The following MYO5B variants were observed in gnomAD, a reference collection of about 807,000 sequenced individuals.
The protein encoded by MYO5B is unconventional myosin-Vb.
A neutral mutation model predicts 229.3 loss-of-function variants in MYO5B; 143 were observed. That is an observed-to-expected ratio of 0.62 (90% confidence interval 0.54 to 0.72). The LOEUF (loss-of-function observed/expected upper bound fraction) is 0.72. MYO5B is among the 30% of genes least tolerant of loss of function. MYO5B has a pLI of 0.00. For missense variants in MYO5B, 2,321 were observed against 2,331.0 expected (o/e 1.00, Z 0.09); for synonymous variants, 918 against 885.2 (o/e 1.04, Z -0.66).
At chr18:50,157,232 A>C (rs2032694820) in intron 1 of MYO5B, among the ~76,000 whole-genome samples, 1 of 151,964 alleles carries the variant, frequency 6.6e-6, no homozygotes. Flanking sequence ...CAGCCTCCCA[A>C]GTAGCTGGGA....
intron 31 of MYO5B, among the ~76,000 whole-genome samples, chr18:49,853,247 A>G (rs1335354619): frequency 1.3e-5 from 2 of 152,196 alleles, no homozygotes; most frequent in East Asian, 3.9e-4. Context: ...GCCAACGACA[A>G]GGCCCCAGAC....
chr18:49,956,440 G>A (rs1415637904), intron 12 of MYO5B, among the ~76,000 whole-genome samples: 1 of 152,226 alleles, frequency 6.6e-6, no homozygotes, highest in African/African-American at 2.4e-5. Flanking sequence ...CAGAGCTGGT[G>A]TTCCAAACAG....
chr18:50,188,459 A>G (rs2033179340), intron 1 of MYO5B, among the ~76,000 whole-genome samples: 1 of 152,126 alleles, frequency 6.6e-6, no homozygotes, highest in South Asian at 2.1e-4. Flanking sequence ...ATCACCAAAC[A>G]CACTGAAGGC....
intron 16 of MYO5B, among the ~76,000 whole-genome samples, chr18:49,935,804 C>G (rs1181225482): frequency 1.3e-5 from 2 of 152,288 alleles, no homozygotes; most frequent in South Asian, 2.1e-4. Flanking sequence ...GTGGATAATT[C>G]TGGAAGCTTA....
At chr18:49,884,308 C>T (rs545580171) in intron 22 of MYO5B, among the ~76,000 whole-genome samples, 8 of 152,118 alleles carry the variant, frequency 5.3e-5, no homozygotes, top group Non-Finnish European at 8.8e-5. Flanking sequence ...ACCAGGGTGA[C>T]GGGGGAATGG....
Position 49,853,438 on chromosome 18 carries a change from T to C in MYO5B, c.4221+11A>G, listed in dbSNP as rs1421694495. 1.9e-6 allele frequency: 3 copies of C among 1,613,902 alleles called. No homozygotes were observed. In the Admixed American group the frequency reaches 5.0e-5, roughly 27 times the overall value. ...TCCCAAAGCTGGGGTCCACTAGACA[T>C]GGCTACCCACCAGATTCTCGTTGGT... On this transcript the variant is annotated intron_variant, in intron 31 of 39. Transcript: ENST00000285039.
At chr18:49,971,568 A>T (rs1028752695) in intron 10 of MYO5B, among the ~76,000 whole-genome samples, 3 of 152,154 alleles carry the variant, frequency 2.0e-5, no homozygotes, top group Non-Finnish European at 4.4e-5. Context: ...GTTGATTTTA[A>T]TCTCCTAAGA....
At chr18:50,038,496 C>G (rs1323416188) in intron 3 of MYO5B, among the ~76,000 whole-genome samples, 1 of 152,216 alleles carries the variant, frequency 6.6e-6, no homozygotes, top group Non-Finnish European at 1.5e-5. Context: ...CAGCTAATCA[C>G]TTGGAGAATC....
intron 4 of MYO5B, among the ~76,000 whole-genome samples, chr18:50,022,653 C>G (rs2026289194): frequency 1.3e-5 from 2 of 152,282 alleles, no homozygotes; most frequent in South Asian, 2.1e-4. Flanking sequence ...TTGTTAGATT[C>G]CTACTCAGAT....
chr18:50,148,835 G>A (rs1030299393), intron 1 of MYO5B, among the ~76,000 whole-genome samples: 12 of 152,278 alleles, frequency 7.9e-5, no homozygotes, highest in Non-Finnish European at 1.5e-4. Flanking sequence ...TCTAGCCAGG[G>A]CAATTAGGCA....
At chr18:50,088,493 A>C (rs1599011835) in intron 1 of MYO5B, among the ~76,000 whole-genome samples, 1 of 152,238 alleles carries the variant, frequency 6.6e-6, no homozygotes. Flanking sequence ...TTAAAACAAT[A>C]ATTGTGTTCC....
At chr18:49,939,148 C>CTTTTTTTTT (rs11313115) in intron 14 of MYO5B, among the ~76,000 whole-genome samples, 27 of 119,042 alleles carry the variant, frequency 2.3e-4, no homozygotes, top group Non-Finnish European at 3.1e-4. Flanking sequence ...TCTTTTTTTT[C>CTTTTTTTTT]TTTTTTTTTT....
Position 50,126,504 on chromosome 18 carries a change from T to C in MYO5B, c.27+68263A>G, listed in dbSNP as rs144130795. The C allele has an allele frequency of 1.6e-3, 250 of 155,008 alleles. 1 individual carries two copies. Among genetic ancestry groups the C allele is most frequent in the African/African-American group, 5.7e-3 (239 of 41,650 alleles). 9.6% of individuals were successfully genotyped at this position (155,008 alleles called of 1,614,324 possible). ...CAAAGTGGGGGCTGTCAGGGCAAAG[T>C]TGCCAGGAAGCTACAGAATCCCGAG... On this transcript the variant is annotated intron_variant, in intron 1 of 39. Coordinates refer to ENST00000285039, the MANE Select transcript of MYO5B (RefSeq NM_001080467.3).
intron 4 of MYO5B, among the ~76,000 whole-genome samples, chr18:50,029,388 G>C (rs2026364918): frequency 6.6e-6 from 1 of 152,190 alleles, no homozygotes; most frequent in Non-Finnish European, 1.5e-5. Flanking sequence ...CCGGAGAAGA[G>C]ATTAAAAACC....
At chr18:50,003,398 G>T (rs906330416) in intron 4 of MYO5B, among the ~76,000 whole-genome samples, 1 of 152,338 alleles carries the variant, frequency 6.6e-6, no homozygotes, top group Non-Finnish European at 1.5e-5. Context: ...TGTAGTCAGA[G>T]CATCTGCTTC....
At chr18:49,959,046 T>C (rs1238975149) in intron 12 of MYO5B, among the ~76,000 whole-genome samples, 1 of 152,126 alleles carries the variant, frequency 6.6e-6, no homozygotes, top group Non-Finnish European at 1.5e-5. Context: ...GGTCCCTACT[T>C]TCCAACCTTA....
intron 17 of MYO5B, among the ~76,000 whole-genome samples, chr18:49,924,076 C>T (rs533309633): frequency 6.6e-6 from 1 of 152,268 alleles, no homozygotes; most frequent in South Asian, 2.1e-4. Context: ...TTTTGACAGA[C>T]TTCTTTACAT....
chr18:49,836,853 C>G lies in MYO5B; in HGVS notation c.5171G>C (p.Arg1724Pro). 6.2e-7 allele frequency: 1 copy of G among 1,614,082 alleles called. No individual in the cohort carries two copies. Among genetic ancestry groups the G allele is most frequent in the Non-Finnish European group, 8.5e-7 (1 of 1,179,974 alleles). The change falls in exon 38 of 40, where the codon CGG becomes CCG. Residue 1724 changes from arginine (R) to proline (P), a missense_variant. Arg to Pro is a moderately radical substitution (Grantham distance 103). Around this residue, in one of 2 missense-constraint regions of MYO5B, gnomAD observed 208 missense variants for 286.3 expected, o/e 0.73. Coordinates refer to ENST00000285039, the MANE Select transcript of MYO5B (RefSeq NM_001080467.3). ...TCCACTCTGGTGAAGGTTTCTTCCC[C>G]GAAGCCACTCCTCAAGCTGACTTAT... is the stretch of plus-strand genomic sequence containing the variant. ...YNISQLEEWL[R>P]GRNLHQSGAV...
chr18:50,103,767 A>G (rs2031699888), intron 1 of MYO5B, among the ~76,000 whole-genome samples: 1 of 151,788 alleles, frequency 6.6e-6, no homozygotes, highest in Admixed American at 6.6e-5. Context: ...AAAACAAAAA[A>G]CAGATTCCAA....
Sources: gnomAD v4.1 joint callset for allele counts (sites outside exome capture counted in the v4.1 genomes callset) on GRCh38, gnomAD v4.1.1 for gene constraint, gnomAD v4.1.1 regional missense constraint, MANE v1.5 for transcripts, NCBI Gene and HGNC (gene_info 2026-07-23, HGNC 2026-07-21) for gene names.